TRANK1: variants seen among roughly 807,000 people sequenced by gnomAD.
The protein encoded by TRANK1 is tetratricopeptide repeat and ankyrin repeat containing 1, also known as TPR and ankyrin repeat-containing protein 1.
In TRANK1, 198 loss-of-function variants were observed where a neutral mutation model predicts 266.0. That is an observed-to-expected ratio of 0.74 (90% confidence interval 0.66 to 0.84). The LOEUF is 0.84. Ranked by LOEUF, TRANK1 falls within the 40% of genes least tolerant of loss-of-function variation. TRANK1 has a pLI of 0.00. For synonymous variants in TRANK1, 1,396 were observed against 1,384.1 expected (o/e 1.01, Z -0.19); for missense variants, 3,326 against 3,634.6 (o/e 0.92, Z 2.18).
Position 36,838,696 on chromosome 3 carries a change from C to G in TRANK1, c.5301G>C (p.Gln1767His), listed in dbSNP as rs371069581. Reference sequence around the variant, plus strand: ...TCTCCTTCTCAAATGCACCTCCTTTCTGGTAACACTTGGCTGCAACCTGGA... The same window carrying G: ...TCTCCTTCTCAAATGCACCTCCTTTGTGGTAACACTTGGCTGCAACCTGGA... ...QCWKVAAKCYQKGGAFEKEKL... is the reference protein window; with the variant it reads ...QCWKVAAKCYHKGGAFEKEKL... The change falls in exon 19 of 24, where the codon CAG becomes CAC. Residue 1767 changes from glutamine to histidine, a missense_variant. Gln to His is a conservative substitution (Grantham distance 24). Coordinates refer to ENST00000645898, the MANE Select transcript of TRANK1 (RefSeq NM_001329998.2). 8.7e-6 allele frequency: 14 copies of G among 1,613,522 alleles called. No homozygotes were observed. The highest frequency in any genetic ancestry group is 1.2e-5 in the Non-Finnish European group (14 of 1,179,740).
At chr3:36,844,765 A>C (rs1250686316) in intron 17 of TRANK1, among the ~76,000 whole-genome samples, 2 of 152,214 alleles carry the variant, frequency 1.3e-5, no homozygotes, top group Non-Finnish European at 2.9e-5. Flanking sequence ...TCTTAGGATA[A>C]GAAATCTAAT....
intron 1 of TRANK1, among the ~76,000 whole-genome samples, chr3:36,914,376 C>A (rs915639174): frequency 6.6e-6 from 1 of 151,320 alleles, no homozygotes. Context: ...CTCAAGTGAG[C>A]GCTCAGGTGA....
At chr3:36,928,806 G>T (rs1347267153) in intron 1 of TRANK1, among the ~76,000 whole-genome samples, 1 of 151,886 alleles carries the variant, frequency 6.6e-6, no homozygotes, top group Non-Finnish European at 1.5e-5. Flanking sequence ...TAAAAAAAAA[G>T]TATTTTTAAA....
intron 9 of TRANK1, among the ~76,000 whole-genome samples, chr3:36,866,100 G>GA (rs1338116188): frequency 6.7e-6 from 1 of 150,120 alleles, no homozygotes; most frequent in African/African-American, 2.5e-5. Flanking sequence ...AAGAAAGAAA[G>GA]AAAGAAAGAA....
intron 17 of TRANK1, among the ~76,000 whole-genome samples, chr3:36,844,790 G>A (rs181276974): frequency 2.0e-4 from 30 of 152,132 alleles, no homozygotes; most frequent in Admixed American, 9.2e-4. Flanking sequence ...GTCGCCAACC[G>A]AGCCATCAGT....
At chr3:36,893,903 GAC>G (rs2079748623) in intron 5 of TRANK1, among the ~76,000 whole-genome samples, 1 of 145,392 alleles carries the variant, frequency 6.9e-6, no homozygotes, top group South Asian at 2.2e-4. Context: ...TTTTTTTTGA[GAC>G]AGAGTCTCAC....
rs2078862900 is a variant in TRANK1, at chr3:36,842,656, T to C, written c.5246A>G (p.Gln1749Arg). The change falls in exon 18 of 24, where the codon CAG becomes CGG. Residue 1749 changes from glutamine (Q) to arginine (R), a missense_variant. Transcript: ENST00000645898. ...CTGGTGCTTGGCGTAGTAATCTCCC[T>C]GTGCAATCCACTCCGCAGGAGTTGA... ...KTSTPAEWIAQGDYYAKHQCW... is the reference protein window; with the variant it reads ...KTSTPAEWIARGDYYAKHQCW... The C allele has an allele frequency of 6.2e-7, 1 of 1,614,000 alleles. No individual in the cohort carries two copies. Among genetic ancestry groups the C allele is most frequent in the Admixed American group, 1.7e-5 (1 of 60,028 alleles).
intron 15 of TRANK1, chr3:36,851,232 A>C: frequency 6.1e-6 from 6 of 986,102 alleles, no homozygotes; most frequent in Non-Finnish European, 7.2e-6. Context: ...TCTCTCATGC[A>C]AGGAAGCTGT....
intron 1 of TRANK1, among the ~76,000 whole-genome samples, chr3:36,923,401 G>A (rs865934371): frequency 1.3e-4 from 19 of 151,852 alleles, no homozygotes; most frequent in Admixed American, 1.3e-4. Context: ...GATTACAGGC[G>A]TGCGCCACCA....
At chr3:36,843,673 A>C (rs1262461063) in intron 17 of TRANK1, among the ~76,000 whole-genome samples, 2 of 151,980 alleles carry the variant, frequency 1.3e-5, no homozygotes, top group Non-Finnish European at 1.5e-5. Context: ...AAACACACAA[A>C]ATACAGTGAA....
Position 36,847,674 on chromosome 3 carries a change from T to A in TRANK1, c.4888-328A>T, listed in dbSNP as rs935196584. Among the ~76,000 whole-genome samples, 5 of 152,058 alleles carry A rather than the reference T, an allele frequency of 3.3e-5. No homozygotes were observed. The South Asian group carries it at 1.0e-3, about 32-fold the overall frequency. ...TCTACAATCAGTATGGACAGGGGAA[T>A]CCCCACCCCTTCTCAAAACATGGTT... On this transcript the variant is annotated intron_variant, in intron 15 of 23. Transcript: ENST00000645898.
intron 1 of TRANK1, among the ~76,000 whole-genome samples, chr3:36,912,982 T>C (rs2080073150): frequency 2.0e-5 from 3 of 152,164 alleles, no homozygotes; most frequent in Admixed American, 2.0e-4. Context: ...TCGGGAATGC[T>C]GGCAGTAGCA....
At chr3:36,840,405 C>T (rs1329937406) in intron 18 of TRANK1, among the ~76,000 whole-genome samples, 1 of 152,192 alleles carries the variant, frequency 6.6e-6, no homozygotes, top group African/African-American at 2.4e-5. Context: ...CCTACAATAG[C>T]ATAAATTGTA....
Position 36,856,213 on chromosome 3 carries a change from G to A in TRANK1, c.3509C>T (p.Ala1170Val). Residue 1170 changes from alanine to valine, a missense_variant, in exon 13 of 24, where the codon GCA (alanine) becomes GTA (valine). Coordinates refer to ENST00000645898, the MANE Select transcript of TRANK1 (RefSeq NM_001329998.2). Reference protein sequence around the residue: ...ACAGGAGVEPAGDGQAAEVCA... With the variant: ...ACAGGAGVEPVGDGQAAEVCA... The stretch of plus-strand genomic sequence containing the variant: ...TACTTCTGCAGCTTGGCCGTCCCCT[G>A]CTGGCTCCACACCGGCTCCTCCTGC... 1 of 1,613,864 alleles carries A rather than the reference G, an allele frequency of 6.2e-7. No homozygotes were observed. Among genetic ancestry groups the A allele is most frequent in the Non-Finnish European group, 8.5e-7 (1 of 1,179,836 alleles).
intron 1 of TRANK1, among the ~76,000 whole-genome samples, chr3:36,916,082 T>C (rs1377740320): frequency 6.6e-6 from 1 of 152,230 alleles, no homozygotes; most frequent in Non-Finnish European, 1.5e-5. Context: ...TGTTCAATTT[T>C]ATACTATACA....
rs529752472 is a variant in TRANK1 at position 36,944,682 on chromosome 3, G to T, written c.23+105C>A. On this transcript the variant is annotated intron_variant, in intron 1 of 23. Transcript: ENST00000645898. ...GATGGCCGGGCGGGCCCGTTCGGCC[G>T]CTACCTCAGGGTCGCCAGTCCCCGC... 5.0e-4 allele frequency: 682 copies of T among 1,356,592 alleles called. 1 individual carries two copies. The highest frequency in any genetic ancestry group is 3.9e-4 in the Non-Finnish European group (393 of 1,013,282). 84.0% of individuals were successfully genotyped at this position (1,356,592 alleles called of 1,614,324 possible).
At chr3:36,851,271 G>C in intron 15 of TRANK1, 1 of 987,098 alleles carries the variant, frequency 1.0e-6, no homozygotes, top group Non-Finnish European at 1.2e-6. Flanking sequence ...CTGATCCAGA[G>C]GGCAGGAACC....
At chr3:36,938,305 G>A (rs561412095) in intron 1 of TRANK1, among the ~76,000 whole-genome samples, 3 of 152,006 alleles carry the variant, frequency 2.0e-5, no homozygotes, top group African/African-American at 4.8e-5. Context: ...TGCAACCTCC[G>A]CCTCCTGGGT....
chr3:36,880,953 T>C (rs543193971), intron 8 of TRANK1, among the ~76,000 whole-genome samples: 109 of 141,856 alleles, frequency 7.7e-4, no homozygotes, highest in African/African-American at 2.1e-3. Context: ...CATTTTCTTA[T>C]TGCAGACTTG....
Sources: allele counts gnomAD v4.1 joint callset (sites outside exome capture counted in the v4.1 genomes callset), GRCh38; gene constraint gnomAD v4.1.1; transcripts MANE v1.5; gene names NCBI Gene and HGNC (gene_info 2026-07-23, HGNC 2026-07-21).